The following CDCA2 variants were observed in gnomAD, a reference collection of about 807,000 sequenced individuals.
CDCA2 encodes cell division cycle-associated protein 2.
In CDCA2, 44 loss-of-function variants were observed where a neutral mutation model predicts 67.0. The ratio of observed to expected loss-of-function variants is 0.66; its 90% CI spans 0.52 to 0.84. The LOEUF is 0.84. CDCA2 is among the 40% of genes least tolerant of loss of function. CDCA2 has a pLI of 0.00. For synonymous variants in CDCA2, 447 were observed against 418.7 expected (o/e 1.07, Z -0.82); for missense variants, 1,253 against 1,203.2 (o/e 1.04, Z -0.61).
chr8:25,467,491 C>T (rs889741441), intron 5 of CDCA2, among the ~76,000 whole-genome samples: 1 of 151,744 alleles, frequency 6.6e-6, no homozygotes, highest in African/African-American at 2.4e-5. Flanking sequence ...CAGACAGTTC[C>T]TTTTTTTTAG....
rs1803681245 is a variant in CDCA2 at position 25,484,266 on chromosome 8, C to G, written c.1365+56C>G. 3 of 1,588,182 alleles carry G rather than the reference C, an allele frequency of 1.9e-6. No homozygotes were observed. In the African/African-American group the frequency reaches 4.0e-5, roughly 21 times the overall value. Reference sequence around the variant, plus strand: ...CATATGTATTTTCATCAGGCTTCACCTGCTTTGCATGAGCAATAACTATGC... The same window carrying G: ...CATATGTATTTTCATCAGGCTTCACGTGCTTTGCATGAGCAATAACTATGC... On this transcript the variant is annotated intron_variant, in intron 10 of 14. Transcript: ENST00000330560.
At chr8:25,487,561 A>G (rs1409554461) in intron 12 of CDCA2, among the ~76,000 whole-genome samples, 1 of 152,030 alleles carries the variant, frequency 6.6e-6, no homozygotes, top group East Asian at 1.9e-4. Context: ...CTAACACGGT[A>G]AAATCCCATC....
rs984877668 is a variant in CDCA2, at chr8:25,507,654, G to T, written c.2988G>T (p.Arg996=). Residue 996 remains arginine, a synonymous_variant, in exon 15 of 15, where the codon CGG becomes CGT. Coordinates refer to ENST00000330560, the MANE Select transcript of CDCA2 (RefSeq NM_152562.4). ...TKATSQFKGY[R]RRSSLNGKGE... is the part of the protein sequence containing the mutation. ...CCACTTCCCAGTTCAAAGGCTACCG[G>T]AGAAGATCCTCTCTTAATGGGAAGG... 6.2e-7 allele frequency: 1 copy of T among 1,614,196 alleles called. No individual in the cohort carries two copies. The highest frequency in any genetic ancestry group is 2.2e-5 in the East Asian group (1 of 44,888).
chr8:25,474,357 T>C (rs368610431), intron 7 of CDCA2, among the ~76,000 whole-genome samples: 29 of 152,352 alleles, frequency 1.9e-4, no homozygotes, highest in African/African-American at 6.3e-4. Flanking sequence ...AGAAAACTTG[T>C]CAGTTCTTTA....
intron 7 of CDCA2, among the ~76,000 whole-genome samples, chr8:25,476,522 C>G (rs956402016): frequency 1.3e-5 from 2 of 151,560 alleles, no homozygotes; most frequent in Non-Finnish European, 2.9e-5. Flanking sequence ...TCAAAAGGGT[C>G]TCAATGTTCT....
At chr8:25,465,609 A>G (rs550002478) in intron 4 of CDCA2, among the ~76,000 whole-genome samples, 166 of 148,706 alleles carry the variant, frequency 1.1e-3, no homozygotes, top group African/African-American at 3.8e-3. Context: ...CTGGCTTTCA[A>G]CCCTAAGAAG....
intron 8 of CDCA2, among the ~76,000 whole-genome samples, chr8:25,482,994 T>G (rs527320802): frequency 6.6e-6 from 1 of 152,348 alleles, no homozygotes; most frequent in Admixed American, 6.5e-5. Flanking sequence ...TGCCATTATA[T>G]AAAAGGGACT....
intron 1 of CDCA2, 38 bp from the exon 2 acceptor site, chr8:25,460,202 G>C (rs370419463): frequency 6.9e-6 from 11 of 1,596,908 alleles, no homozygotes; most frequent in African/African-American, 1.3e-5. Flanking sequence ...TCATCTTGCT[G>C]GTGGGGTTAT....
chr8:25,467,479 T>C (rs1463523726), intron 5 of CDCA2, among the ~76,000 whole-genome samples: 2 of 152,244 alleles, frequency 1.3e-5, no homozygotes, highest in African/African-American at 4.8e-5. Context: ...ATTATAATTC[T>C]GCAGACAGTT....
At chr8:25,459,055 C>G (rs938988164), upstream of CDCA2, 2 of 152,218 alleles carry the variant, frequency 1.3e-5, no homozygotes, top group Admixed American at 6.5e-5. Context: ...GACTGCAGCT[C>G]GCGGTGGTCC....
At chr8:25,489,726 T>A (rs1413671152) in intron 13 of CDCA2, among the ~76,000 whole-genome samples, 1 of 152,206 alleles carries the variant, frequency 6.6e-6, no homozygotes, top group Non-Finnish European at 1.5e-5. Flanking sequence ...GTCTCTAAGG[T>A]TTGTTTTCTG....
At chr8:25,495,821 G>A (rs1291686257) in intron 13 of CDCA2, among the ~76,000 whole-genome samples, 1 of 152,108 alleles carries the variant, frequency 6.6e-6, no homozygotes, top group Admixed American at 6.5e-5. Flanking sequence ...AAGCAAATAA[G>A]CAATTTTTCC....
chr8:25,495,766 T>C (rs1459870280), intron 13 of CDCA2, among the ~76,000 whole-genome samples: 1 of 152,118 alleles, frequency 6.6e-6, no homozygotes, highest in Non-Finnish European at 1.5e-5. Context: ...GCAAAGAAAT[T>C]ATAAACAGTA....
chr8:25,487,472 T>G, intron 12 of CDCA2, 138 bp downstream of exon 12: 4 of 617,672 alleles, frequency 6.5e-6, no homozygotes, highest in Middle Eastern at 6.7e-4. Flanking sequence ...CCAGGCACCG[T>G]GGTTCACGCC....
intron 13 of CDCA2, among the ~76,000 whole-genome samples, chr8:25,490,200 C>CGT (rs199925858): frequency 5.3e-5 from 8 of 151,882 alleles, no homozygotes; most frequent in Non-Finnish European, 7.4e-5. Flanking sequence ...TGATTTCCTT[C>CGT]GTGTGTGTGT....
At chr8:25,503,314 C>T (rs149934270) in intron 13 of CDCA2, 59 bp from the exon 14 acceptor site, 3 of 1,360,462 alleles carry the variant, frequency 2.2e-6, no homozygotes, top group Non-Finnish European at 2.1e-6. Context: ...GTTAAAGGGT[C>T]AAAATTTTAC....
chr8:25,506,957 A>G lies in CDCA2; in HGVS notation c.2291A>G (p.Glu764Gly). Residue 764 changes from glutamate (E) to glycine (G), a missense_variant, in exon 15 of 15, where the codon GAA becomes GGA. Coordinates refer to ENST00000330560, the MANE Select transcript of CDCA2 (RefSeq NM_152562.4). The part of the protein sequence containing the change: ...KISPDLNIKC[E>G]RKDDFLGAAE... ...TCACCAGATTTAAACATAAAGTGTG[A>G]AAGAAAGGATGACTTCTTAGGAGCT... The G allele has an allele frequency of 6.2e-7, 1 of 1,613,976 alleles. No homozygotes were observed. Among genetic ancestry groups the G allele is most frequent in the Non-Finnish European group, 8.5e-7 (1 of 1,179,922 alleles).
rs759923609 is a variant in CDCA2 at position 25,483,365 on chromosome 8, T to C, written c.1033-34T>C. 58 of 1,382,450 alleles carry C rather than the reference T, an allele frequency of 4.2e-5. 1 individual carries two copies. The Middle Eastern group carries it at 9.6e-4, about 23-fold the overall frequency. 85.6% of individuals were successfully genotyped at this position (1,382,450 alleles called of 1,614,324 possible). Reference sequence around the variant, plus strand: ...ATGATGACGTCTATGTATTTCTATATGTAAAATTATTCATTAATGTTTATT... The same window carrying C: ...ATGATGACGTCTATGTATTTCTATACGTAAAATTATTCATTAATGTTTATT... On this transcript the variant is annotated intron_variant, in intron 8 of 14. Transcript: ENST00000330560.
chr8:25,473,798 A>G (rs1384266693), intron 7 of CDCA2, among the ~76,000 whole-genome samples: 4 of 152,184 alleles, frequency 2.6e-5, no homozygotes, highest in African/African-American at 7.2e-5. Context: ...ATTTTTGTAA[A>G]TATGCATCCA....
Sources: allele counts gnomAD v4.1 joint callset (sites outside exome capture counted in the v4.1 genomes callset), GRCh38; gene constraint gnomAD v4.1.1; transcripts MANE v1.5; gene names NCBI Gene and HGNC (gene_info 2026-07-23, HGNC 2026-07-21).